PCDHGA1: variants seen among roughly 807,000 people sequenced by gnomAD.
PCDHGA1 encodes protocadherin gamma subfamily A, 1.
PCDHGA1 carries 32 observed loss-of-function variants against 58.0 expected under a neutral mutation model. The observed-to-expected ratio is 0.55, with a 90% CI of 0.42 to 0.74. The LOEUF (loss-of-function observed/expected upper bound fraction) is 0.74. Ranked by LOEUF, PCDHGA1 falls within the 30% of genes least tolerant of loss-of-function variation. PCDHGA1 has a pLI of 0.00. For synonymous variants in PCDHGA1, 498 were observed against 501.1 expected, an observed-to-expected ratio of 0.99 and a Z score of 0.08; for missense variants, 1,205 against 1,182.3, an observed-to-expected ratio of 1.02 and a Z score of -0.28.
chr5:141,484,426 C>T (rs377504062), intron 1 of PCDHGA1, among the ~76,000 whole-genome samples: 1 of 152,188 alleles, frequency 6.6e-6, no homozygotes, highest in African/African-American at 2.4e-5. Context: ...ACAATGAGAA[C>T]ATGTACTGCA....
At chr5:141,361,235 C>T (rs1178694648) in intron 1 of PCDHGA1, 2 of 1,613,774 alleles carry the variant, frequency 1.2e-6, no homozygotes, top group African/African-American at 1.3e-5. Flanking sequence ...ACAGTGATCG[C>T]CTTGATAAAA....
intron 1 of PCDHGA1, chr5:141,409,386 A>C (rs369240403): frequency 1.2e-6 from 2 of 1,613,914 alleles, no homozygotes; most frequent in African/African-American, 2.7e-5. Flanking sequence ...TTCAAGATTT[A>C]TTCTTCTTCC....
intron 1 of PCDHGA1, among the ~76,000 whole-genome samples, chr5:141,438,216 T>A (rs2097938802): frequency 6.6e-6 from 1 of 152,158 alleles, no homozygotes; most frequent in Non-Finnish European, 1.5e-5. Flanking sequence ...TGGGAAGGGC[T>A]CTGGTTCAGG....
chr5:141,432,416 C>T lies in PCDHGA1; in HGVS notation c.2422-62391C>T. 4 of 1,614,258 alleles carry T rather than the reference C, an allele frequency of 2.5e-6. No individual in the cohort carries two copies. Among genetic ancestry groups the T allele is most frequent in the Non-Finnish European group, 3.4e-6 (4 of 1,180,048 alleles). ...CAACGTGTCGTTGAGCCTGTTCGTG[C>T]TGGACCAGAACGACAATGCGCCCGA... On this transcript the variant is annotated intron_variant, in intron 1 of 3. Coordinates refer to ENST00000517417, the MANE Select transcript of PCDHGA1 (RefSeq NM_018912.3). The surrounding 1 kb of genome is among the most constrained non-coding windows in gnomAD (Gnocchi z 6.0).
chr5:141,419,137 CA>C (rs1561778370), intron 1 of PCDHGA1: 1 of 1,613,892 alleles, frequency 6.2e-7, no homozygotes, highest in African/African-American at 1.3e-5. Flanking sequence ...CAGCCACAGA[CA>C]GGGGCAAGCC....
At position 141,486,804 on chromosome 5, in the gene PCDHGA1, C is replaced by G. The variant is rs755001457; in HGVS notation, c.2422-8003C>G. On this transcript the variant is annotated intron_variant, in intron 1 of 3. Transcript: ENST00000517417. This position sits in a 1 kb window ranked among gnomAD's most constrained non-coding sequence, Gnocchi z 5.0. ...CAGGCCCGGGATCGGGGCAACCCAC[C>G]CCTTAGCAGCACTGTAACAGTTCGT... 2 of 1,614,232 alleles carry G rather than the reference C, an allele frequency of 1.2e-6. No homozygotes were observed. The highest frequency in any genetic ancestry group is 3.3e-5 in the Admixed American group (2 of 60,032).
At chr5:141,393,937 ACT>A in intron 1 of PCDHGA1, 3 of 1,613,906 alleles carry the variant, frequency 1.9e-6, no homozygotes, top group Non-Finnish European at 2.5e-6. Flanking sequence ...CATGACCAAG[ACT>A]CTGGAAAGAA....
Position 141,464,048 on chromosome 5 carries a change from T to G in PCDHGA1, c.2422-30759T>G, listed in dbSNP as rs377735829. Reference sequence around the variant, plus strand: ...GGGAGGCCAAGGCGGGTGGATCACCTGAGGTCAGGAGTTCAAGGCCAGCCT... The same window carrying G: ...GGGAGGCCAAGGCGGGTGGATCACCGGAGGTCAGGAGTTCAAGGCCAGCCT... On this transcript the variant is annotated intron_variant, in intron 1 of 3. Transcript: ENST00000517417. 1.2e-4 allele frequency among the ~76,000 whole-genome samples: 18 copies of G among 152,260 alleles called. No individual in the cohort carries two copies. In the East Asian group the frequency reaches 3.5e-3, roughly 29 times the overall value.
At chr5:141,488,134 A>G (rs546928916) in intron 1 of PCDHGA1, among the ~76,000 whole-genome samples, 1 of 152,332 alleles carries the variant, frequency 6.6e-6, no homozygotes, top group African/African-American at 2.4e-5. Flanking sequence ...GAAAGAGGAG[A>G]GAACTAAAGG....
chr5:141,390,186 A>G (rs760464699), intron 1 of PCDHGA1: 1 of 1,614,048 alleles, frequency 6.2e-7, no homozygotes, highest in East Asian at 2.2e-5. Flanking sequence ...CCTAAAATGT[A>G]GTGAGCAGTT....
At chr5:141,341,540 T>C (rs1236533831) in intron 1 of PCDHGA1, 1 of 1,463,468 alleles carries the variant, frequency 6.8e-7, no homozygotes, top group Non-Finnish European at 9.1e-7. Flanking sequence ...TATTTCTTGG[T>C]AGGTCTTAGT....
rs1259490084 is a variant in PCDHGA1, at chr5:141,360,812, C to A, written c.2421+27707C>A. The stretch of plus-strand genomic sequence containing the variant: ...GGAGACCCACCTCAAAGTGGCACGA[C>A]CCAAATCCGAATCAAAGTCACGGAT... On this transcript the variant is annotated intron_variant, in intron 1 of 3. Transcript: ENST00000517417. 1.2e-6 allele frequency: 2 copies of A among 1,613,952 alleles called. No individual in the cohort carries two copies. The highest frequency in any genetic ancestry group is 1.1e-5 in the South Asian group (1 of 91,082).
In PCDHGA1 at chr5:141,381,826, C is replaced by CTTTTTTTT. The variant is rs770630741; in HGVS notation, c.2421+48736_2421+48743dup. Among the ~76,000 whole-genome samples, 48 of 74,286 alleles carry CTTTTTTTT rather than the reference C, an allele frequency of 6.5e-4. 1 individual carries two copies. Among genetic ancestry groups the CTTTTTTTT allele is most frequent in the African/African-American group, 1.0e-3 (17 of 16,198 alleles). 48.7% of individuals were successfully genotyped at this position (74,286 alleles called of 152,430 possible). On this transcript the variant is annotated intron_variant, in intron 1 of 3. Coordinates refer to ENST00000517417, the MANE Select transcript of PCDHGA1 (RefSeq NM_018912.3). Reference sequence around the variant, plus strand: ...TTTCTTTCTTTCTTTCTTTCTTCTTCTTTTTTTTTTTTTTTTTTTTTTGGC... The same window carrying CTTTTTTTT: ...TTTCTTTCTTTCTTTCTTTCTTCTTCTTTTTTTTTTTTTTTTTTTTTTTTTTTTTTGGC...
chr5:141,339,102 T>A (rs1332193594), intron 1 of PCDHGA1: 1 of 1,614,206 alleles, frequency 6.2e-7, no homozygotes, highest in Non-Finnish European at 8.5e-7. Context: ...AGAGGCTCCT[T>A]CGTAGGCAAC....
intron 1 of PCDHGA1, chr5:141,433,070 C>T: frequency 6.2e-7 from 1 of 1,614,174 alleles, no homozygotes; most frequent in Non-Finnish European, 8.5e-7. Flanking sequence ...CCTGATCTTC[C>T]CCCAGCCCAA....
chr5:141,333,511 A>G (rs941237665), intron 1 of PCDHGA1: 10 of 273,456 alleles, frequency 3.7e-5, no homozygotes, highest in African/African-American at 2.3e-4. Flanking sequence ...GTACCTGCTA[A>G]TCTACCCCTG....
chr5:141,418,036 G>T, intron 1 of PCDHGA1: 1 of 1,614,020 alleles, frequency 6.2e-7, no homozygotes, highest in Non-Finnish European at 8.5e-7. Context: ...TTAGTGTCCT[G>T]GATGTGTCGG....
chr5:141,500,043 T>A (rs1240979831), intron 2 of PCDHGA1, among the ~76,000 whole-genome samples: 1 of 152,048 alleles, frequency 6.6e-6, no homozygotes, highest in East Asian at 1.9e-4. Flanking sequence ...CTCTTAAGTA[T>A]CTTAATGCTC....
rs1258181913 is a variant in PCDHGA1, at chr5:141,366,360, G to A, written c.2421+33255G>A. ...CCTGACATCCTGGCTGACCTAGGCA[G>A]TATCAAGACCCCCATTGACCCTGAG... On this transcript the variant is annotated intron_variant, in intron 1 of 3. Coordinates refer to ENST00000517417, the MANE Select transcript of PCDHGA1 (RefSeq NM_018912.3). The A allele has an allele frequency of 9.3e-6, 15 of 1,614,022 alleles. No homozygotes were observed. The highest frequency in any genetic ancestry group is 1.3e-5 in the African/African-American group (1 of 75,076).
Sources: gnomAD v4.1 joint callset for allele counts (sites outside exome capture counted in the v4.1 genomes callset) on GRCh38, gnomAD v4.1.1 for gene constraint, Gnocchi (gnomAD v3.1) non-coding constraint, MANE v1.5 for transcripts, NCBI Gene and HGNC (gene_info 2026-07-23, HGNC 2026-07-21) for gene names.